C1QTNF7: variants seen among roughly 807,000 people sequenced by gnomAD.
The protein encoded by C1QTNF7 is C1q and TNF related 7.
C1QTNF7 carries 15 observed loss-of-function variants against 19.6 expected under a neutral mutation model. The observed-to-expected ratio is 0.76, with a 90% confidence interval of 0.51 to 1.18. The LOEUF (loss-of-function observed/expected upper bound fraction) is 1.18, where lower values mean the gene tolerates loss of function less well. C1QTNF7 is among the 50% of genes most tolerant of loss of function. The probability of loss-of-function intolerance (pLI) is 0.00; values close to 1 mark genes in which losing one functional copy is unlikely to be tolerated. For missense variants in C1QTNF7, 324 were observed against 359.7 expected, an observed-to-expected ratio of 0.90 and a Z score of 0.80; for synonymous variants, 142 against 137.5, an observed-to-expected ratio of 1.03 and a Z score of -0.23.
chr4:15,363,624 A>G (rs1026050311), intron 1 of C1QTNF7, among the ~76,000 whole-genome samples: 1 of 152,132 alleles, frequency 6.6e-6, no homozygotes, highest in African/African-American at 2.4e-5. Context: ...CTAGCCACAA[A>G]GGCTCCCAGG....
At chr4:15,432,659 T>C (rs1211482385) in intron 1 of C1QTNF7, among the ~76,000 whole-genome samples, 2 of 152,214 alleles carry the variant, frequency 1.3e-5, no homozygotes, top group African/African-American at 4.8e-5. Context: ...CCACCCAAAG[T>C]GCTGGGAATA....
chr4:15,384,166 T>C (rs1718248007), intron 1 of C1QTNF7, among the ~76,000 whole-genome samples: 1 of 152,194 alleles, frequency 6.6e-6, no homozygotes. Flanking sequence ...TGTTTTTCTC[T>C]AGGAGGTTGA....
chr4:15,394,701 T>C (rs1379833152), intron 1 of C1QTNF7, among the ~76,000 whole-genome samples: 1 of 149,102 alleles, frequency 6.7e-6, no homozygotes, highest in South Asian at 2.1e-4. Context: ...ATTACAAACA[T>C]GTGTTGGATT....
chr4:15,366,949 G>A (rs1341857843), intron 1 of C1QTNF7, among the ~76,000 whole-genome samples: 1 of 152,128 alleles, frequency 6.6e-6, no homozygotes, highest in East Asian at 1.9e-4. Context: ...CTAAGAGATT[G>A]GAAATTCAAA....
At chr4:15,368,738 C>T (rs1400130806) in intron 1 of C1QTNF7, among the ~76,000 whole-genome samples, 1 of 152,168 alleles carries the variant, frequency 6.6e-6, no homozygotes, top group Non-Finnish European at 1.5e-5. Flanking sequence ...GTGAATAGTG[C>T]CGCAATAAAC....
chr4:15,376,450 G>A (rs963317419), intron 1 of C1QTNF7, among the ~76,000 whole-genome samples: 2 of 152,214 alleles, frequency 1.3e-5, no homozygotes, highest in African/African-American at 4.8e-5. Context: ...AAACCAGATT[G>A]GCATCTGTGT....
intron 1 of C1QTNF7, among the ~76,000 whole-genome samples, chr4:15,431,862 C>T (rs1446051297): frequency 2.0e-5 from 3 of 152,032 alleles, no homozygotes; most frequent in Non-Finnish European, 2.9e-5. Context: ...GAATTAGCTA[C>T]TGAGTTAGAA....
At chr4:15,427,371 C>T (rs373983601), upstream of C1QTNF7, among the ~76,000 whole-genome samples, 26 of 152,070 alleles carry the variant, frequency 1.7e-4, no homozygotes, top group Non-Finnish European at 2.5e-4. Flanking sequence ...GCACCATAGA[C>T]GACTAGTCAT....
chr4:15,417,078 C>A (rs1478884595), intron 1 of C1QTNF7, among the ~76,000 whole-genome samples: 1 of 152,158 alleles, frequency 6.6e-6, no homozygotes, highest in Non-Finnish European at 1.5e-5. Context: ...ACCTTTTATT[C>A]TTTCTCTGTC....
chr4:15,407,824 G>T (rs1349921156), intron 1 of C1QTNF7, among the ~76,000 whole-genome samples: 1 of 152,224 alleles, frequency 6.6e-6, no homozygotes, highest in African/African-American at 2.4e-5. Context: ...TATTCAGGAG[G>T]CTAAGGCAAG....
chr4:15,382,922 T>C (rs1718202085), intron 1 of C1QTNF7, among the ~76,000 whole-genome samples: 1 of 152,208 alleles, frequency 6.6e-6, no homozygotes, highest in African/African-American at 2.4e-5. Flanking sequence ...TACATGTTCA[T>C]TGAACAAATA....
intron 1 of C1QTNF7, among the ~76,000 whole-genome samples, chr4:15,355,804 AC>A (rs1341761668): frequency 1.3e-5 from 2 of 152,204 alleles, no homozygotes; most frequent in African/African-American, 2.4e-5. Context: ...TTTAACAAAA[AC>A]CCTTTGCCCA....
chr4:15,400,891 G>A (rs570024164), intron 1 of C1QTNF7, among the ~76,000 whole-genome samples: 5 of 152,220 alleles, frequency 3.3e-5, no homozygotes, highest in Admixed American at 1.3e-4. Flanking sequence ...ACCATTTCCC[G>A]ATACCCCCAT....
chr4:15,408,207 G>A (rs1306632443), intron 1 of C1QTNF7, among the ~76,000 whole-genome samples: 13 of 149,688 alleles, frequency 8.7e-5, no homozygotes, highest in African/African-American at 3.2e-4. Context: ...CAGGGGTGGA[G>A]GTTGCAGTGA....
chr4:15,397,688 C>G (rs945074788), intron 1 of C1QTNF7, among the ~76,000 whole-genome samples: 2 of 152,176 alleles, frequency 1.3e-5, no homozygotes, highest in Non-Finnish European at 2.9e-5. Flanking sequence ...TGAGCATTCC[C>G]AAGAGTTCTT....
chr4:15,344,162 A>G (rs1342711841), intron 1 of C1QTNF7, among the ~76,000 whole-genome samples: 3 of 152,250 alleles, frequency 2.0e-5, no homozygotes, highest in Non-Finnish European at 4.4e-5. Flanking sequence ...GTGCATGCAT[A>G]TGGTGCAGAA....
intron 1 of C1QTNF7, among the ~76,000 whole-genome samples, chr4:15,350,023 G>T (rs1577227746): frequency 6.7e-6 from 1 of 148,688 alleles, no homozygotes; most frequent in Non-Finnish European, 1.5e-5. Flanking sequence ...AAAAGGAAGG[G>T]AGGAAGGGAG....
chr4:15,379,786 T>A (rs1347752529), intron 1 of C1QTNF7, among the ~76,000 whole-genome samples: 1 of 152,234 alleles, frequency 6.6e-6, no homozygotes, highest in Non-Finnish European at 1.5e-5. Flanking sequence ...ATATGTCTGG[T>A]ATGACTTCAG....
chr4:15,439,829 A>G (rs1304220292), intron 2 of C1QTNF7, among the ~76,000 whole-genome samples: 1 of 152,134 alleles, frequency 6.6e-6, no homozygotes, highest in Non-Finnish European at 1.5e-5. Flanking sequence ...TTTCGATGGT[A>G]TTAAATCATT....
Sources: allele counts gnomAD v4.1 joint callset (sites outside exome capture counted in the v4.1 genomes callset), GRCh38; gene constraint gnomAD v4.1.1; transcripts MANE v1.5; gene names NCBI Gene and HGNC (gene_info 2026-07-23, HGNC 2026-07-21).